CENPP: variants seen among roughly 807,000 people sequenced by gnomAD.
CENPP encodes the protein centromere protein P.
In CENPP, 24 loss-of-function variants were observed where a neutral mutation model predicts 35.6. The ratio of observed to expected loss-of-function variants is 0.67; its 90% CI spans 0.49 to 0.95. The LOEUF is 0.95. Among genes scored for constraint, CENPP ranks in the 40% least tolerant of loss-of-function variants. CENPP has a pLI of 0.00. For missense variants in CENPP, 332 were observed against 345.3 expected (o/e 0.96, Z 0.31); for synonymous variants, 120 against 125.5 (o/e 0.96, Z 0.29).
chr9:92,387,341 A>C (rs866005542), intron 5 of CENPP, among the ~76,000 whole-genome samples: 2 of 150,960 alleles, frequency 1.3e-5, no homozygotes, highest in African/African-American at 4.9e-5. Flanking sequence ...GTGCCACTGC[A>C]CTCCAGCCTG....
intron 5 of CENPP, among the ~76,000 whole-genome samples, chr9:92,538,364 A>G (rs1006091919): frequency 3.3e-5 from 5 of 152,238 alleles, no homozygotes; most frequent in Non-Finnish European, 7.3e-5. Context: ...GCATTTTACT[A>G]GAGAACAAAT....
At chr9:92,574,775 A>G (rs1016357688) in intron 5 of CENPP, among the ~76,000 whole-genome samples, 5 of 152,220 alleles carry the variant, frequency 3.3e-5, no homozygotes, top group Non-Finnish European at 7.3e-5. Context: ...ACAATCTTCA[A>G]AAAGAACAAA....
intron 5 of CENPP, among the ~76,000 whole-genome samples, chr9:92,423,479 T>A (rs1373314555): frequency 6.6e-6 from 1 of 152,162 alleles, no homozygotes; most frequent in Non-Finnish European, 1.5e-5. Flanking sequence ...TTTTTATTTG[T>A]ATGACATAGA....
intron 5 of CENPP, among the ~76,000 whole-genome samples, chr9:92,416,226 A>G (rs1843608662): frequency 6.6e-6 from 1 of 151,596 alleles, no homozygotes; most frequent in Non-Finnish European, 1.5e-5. Context: ...CGGCCTCTTA[A>G]GTAGCTGGGA....
At chr9:92,410,878 CAAAG>C (rs1328152697) in intron 5 of CENPP, among the ~76,000 whole-genome samples, 8 of 152,120 alleles carry the variant, frequency 5.3e-5, no homozygotes, top group Admixed American at 6.6e-5. Context: ...TTTTAAAAAA[CAAAG>C]AAAGAGACAC....
intron 5 of CENPP, among the ~76,000 whole-genome samples, chr9:92,497,695 GT>G (rs1846429749): frequency 6.6e-6 from 1 of 151,378 alleles, no homozygotes. Context: ...ATAAGGTTTG[GT>G]TTTTTTGACC....
chr9:92,386,626 G>A (rs960025783), intron 5 of CENPP, among the ~76,000 whole-genome samples: 1 of 152,136 alleles, frequency 6.6e-6, no homozygotes, highest in African/African-American at 2.4e-5. Context: ...AACTAATGAG[G>A]TGAGTCCCTA....
chr9:92,552,004 G>A (rs1287828053), intron 5 of CENPP, among the ~76,000 whole-genome samples: 221 of 138,708 alleles, frequency 1.6e-3, no homozygotes, highest in Non-Finnish European at 2.3e-3. Context: ...ATATATATGT[G>A]TATATATATG....
intron 5 of CENPP, among the ~76,000 whole-genome samples, chr9:92,452,824 T>C (rs1844753626): frequency 6.6e-6 from 1 of 152,218 alleles, no homozygotes; most frequent in Non-Finnish European, 1.5e-5. Context: ...TGGTTTAGTC[T>C]TGGGAGGGTG....
intron 6 of CENPP, 48 bp downstream of exon 6, chr9:92,611,441 G>T (rs1851245369): frequency 6.7e-7 from 1 of 1,484,922 alleles, no homozygotes; most frequent in Non-Finnish European, 9.3e-7. Context: ...TTCAAACAAG[G>T]ATTCCAAGTA....
intron 5 of CENPP, chr9:92,600,614 A>AG: frequency 1.3e-6 from 2 of 1,563,216 alleles, no homozygotes; most frequent in African/African-American, 1.4e-5. Context: ...CCAGAAAGAC[A>AG]GCGCAAGTCA....
chr9:92,383,387 A>G (rs535551872), intron 5 of CENPP, among the ~76,000 whole-genome samples: 6 of 152,342 alleles, frequency 3.9e-5, no homozygotes, highest in African/African-American at 1.4e-4. Flanking sequence ...CATATTGGAT[A>G]GTATTGTTGT....
intron 5 of CENPP, among the ~76,000 whole-genome samples, chr9:92,577,055 G>A (rs1182851012): frequency 1.3e-5 from 2 of 152,122 alleles, no homozygotes; most frequent in Non-Finnish European, 2.9e-5. Context: ...GACTAACCCT[G>A]CCAATTATTA....
In CENPP at chr9:92,326,070, C is replaced by A; in HGVS notation, c.72C>A (p.Asp24Glu). 6.4e-7 allele frequency: 1 copy of A among 1,560,696 alleles called. No homozygotes were observed. Among genetic ancestry groups the A allele is most frequent in the Non-Finnish European group, 8.7e-7 (1 of 1,152,856 alleles). The change falls in exon 1 of 8, where the codon GAC becomes GAA. Residue 24 changes from aspartate to glutamate, a missense_variant. Coordinates refer to ENST00000375587, the MANE Select transcript of CENPP (RefSeq NM_001012267.3). Reference protein sequence around the residue: ...EIAALRRACEDPPAPWEEKSR... With the variant: ...EIAALRRACEEPPAPWEEKSR... ...CGGCCCTGCGGCGAGCGTGTGAGGA[C>A]CCACCGGCGCCCTGGGAAGAGAAGT...
At chr9:92,515,569 C>T (rs1847650631) in intron 5 of CENPP, among the ~76,000 whole-genome samples, 1 of 152,080 alleles carries the variant, frequency 6.6e-6, no homozygotes, top group Non-Finnish European at 1.5e-5. Context: ...GTTGTGATAC[C>T]TTTATAATAG....
intron 5 of CENPP, among the ~76,000 whole-genome samples, chr9:92,494,486 T>A (rs186166430): frequency 1.4e-3 from 219 of 152,316 alleles, no homozygotes; most frequent in African/African-American, 4.8e-3. Context: ...AAATTCTAGT[T>A]TTCTTCCTAA....
At chr9:92,546,317 G>A (rs565186774) in intron 5 of CENPP, among the ~76,000 whole-genome samples, 1 of 152,304 alleles carries the variant, frequency 6.6e-6, no homozygotes, top group South Asian at 2.1e-4. Flanking sequence ...AGCTAGCCCT[G>A]ACAACCCACC....
chr9:92,496,036 T>C lies in CENPP; in HGVS notation c.565-115278T>C, dbSNP rs1444617339. On this transcript the variant is annotated intron_variant, in intron 5 of 7. Transcript: ENST00000375587. ...GCTGTGTTTATTTTGTTCCAGACTC[T>C]TCTGGTCTAGCTCAGTATGCATAAT... 1.3e-5 allele frequency: 13 copies of C among 1,026,016 alleles called. No individual in the cohort carries two copies. The African/African-American group carries it at 2.0e-4, about 16-fold the overall frequency. 63.6% of individuals were successfully genotyped at this position (1,026,016 alleles called of 1,614,324 possible).
chr9:92,581,122 T>G (rs1419281722), intron 5 of CENPP, among the ~76,000 whole-genome samples: 2 of 152,196 alleles, frequency 1.3e-5, no homozygotes, highest in Non-Finnish European at 2.9e-5. Flanking sequence ...TTGAGTGAGA[T>G]TCTTAATCCT....
Sources: gnomAD v4.1 joint callset for allele counts (sites outside exome capture counted in the v4.1 genomes callset) on GRCh38, gnomAD v4.1.1 for gene constraint, MANE v1.5 for transcripts, NCBI Gene and HGNC (gene_info 2026-07-23, HGNC 2026-07-21) for gene names.